The following CDH13 variants were observed in gnomAD, a reference collection of about 807,000 sequenced individuals.
The protein encoded by CDH13 is cadherin 13.
A neutral mutation model predicts 63.8 loss-of-function variants in CDH13; 24 were observed. That is an observed-to-expected ratio of 0.38 (90% confidence interval 0.27 to 0.53). CDH13 has a LOEUF of 0.53. Ranked by LOEUF, CDH13 falls within the 20% of genes least tolerant of loss-of-function variation. CDH13 has a pLI of 0.85. For synonymous variants in CDH13, 503 were observed against 355.3 expected, an observed-to-expected ratio of 1.42 and a Z score of -4.67; for missense variants, 1,049 against 903.1, an observed-to-expected ratio of 1.16 and a Z score of -2.07.
At chr16:83,586,127 G>C (rs1445480055) in intron 7 of CDH13, among the ~76,000 whole-genome samples, 1 of 151,786 alleles carries the variant, frequency 6.6e-6, no homozygotes. Flanking sequence ...TATAATGACA[G>C]CGTGTCTGAG....
At chr16:83,366,593 G>A (rs1160154418) in intron 6 of CDH13, among the ~76,000 whole-genome samples, 1 of 152,200 alleles carries the variant, frequency 6.6e-6, no homozygotes, top group East Asian at 1.9e-4. Context: ...CATCATTAAG[G>A]AAGTCACAGT....
chr16:82,682,779 G>C (rs867879900), intron 1 of CDH13, among the ~76,000 whole-genome samples: 26 of 152,316 alleles, frequency 1.7e-4, no homozygotes, highest in Non-Finnish European at 2.1e-4. Flanking sequence ...ATATTGGAAA[G>C]ATCTTCTGAG....
chr16:83,357,386 G>A (rs1392933373), intron 6 of CDH13, among the ~76,000 whole-genome samples: 4 of 152,128 alleles, frequency 2.6e-5, no homozygotes, highest in African/African-American at 9.7e-5. Flanking sequence ...ATCAGCTTCG[G>A]TCTGTGATGC....
At chr16:83,538,358 C>T (rs908872354) in intron 7 of CDH13, among the ~76,000 whole-genome samples, 22 of 152,192 alleles carry the variant, frequency 1.4e-4, no homozygotes, top group African/African-American at 5.1e-4. Context: ...TACTCATCTC[C>T]GTAGATGATC....
At position 83,312,108 on chromosome 16, in the gene CDH13, C is replaced by G. The variant is rs537384010; in HGVS notation, c.637-32754C>G. On this transcript the variant is annotated intron_variant, in intron 5 of 13. Coordinates refer to ENST00000567109, the MANE Select transcript of CDH13 (RefSeq NM_001257.5). ...AAAAGAATCTTGGGAGACAGTGTGC[C>G]TCCACTTTTTTGTCTATTGGTTGTA... 4.1e-3 allele frequency among the ~76,000 whole-genome samples: 625 copies of G among 151,524 alleles called. 4 individuals are homozygous for G. The highest frequency in any genetic ancestry group is 0.014 in the African/African-American group (584 of 41,320).
Position 82,885,257 on chromosome 16 carries a change from C to A in CDH13, c.157+26784C>A, listed in dbSNP as rs61706900. ...CTATAGTCTGGTTACAAAAACAAAA[C>A]ATTTTAGAAAATTTGGTCATTCTCC... is the stretch of plus-strand genomic sequence containing the variant. On this transcript the variant is annotated intron_variant, in intron 2 of 13. Transcript: ENST00000567109. Among the ~76,000 whole-genome samples the A allele has an allele frequency of 6.5e-3, 984 of 152,136 alleles. 26 individuals are homozygous for A. Among genetic ancestry groups the A allele is most frequent in the East Asian group, 0.053 (274 of 5,180 alleles).
chr16:83,416,121 G>A (rs912389549), intron 6 of CDH13, among the ~76,000 whole-genome samples: 1 of 152,112 alleles, frequency 6.6e-6, no homozygotes, highest in African/African-American at 2.4e-5. Flanking sequence ...GATCTAAAAA[G>A]GAAATCAAGA....
At chr16:82,762,968 T>G (rs2034910016) in intron 1 of CDH13, among the ~76,000 whole-genome samples, 1 of 152,222 alleles carries the variant, frequency 6.6e-6, no homozygotes, top group African/African-American at 2.4e-5. Flanking sequence ...TGAACTGCTC[T>G]AAGATTGCAA....
rs528654816 is a variant in CDH13 at position 83,751,182 on chromosome 16, G to C, written c.1681+2932G>C. Among the ~76,000 whole-genome samples, 7 of 152,282 alleles carry C rather than the reference G, an allele frequency of 4.6e-5. No individual in the cohort carries two copies. In the East Asian group the frequency reaches 1.4e-3, roughly 29 times the overall value. On this transcript the variant is annotated intron_variant, in intron 11 of 13. Coordinates refer to ENST00000567109, the MANE Select transcript of CDH13 (RefSeq NM_001257.5). ...CACCTACCATGGTGCCTGACTTAGA[G>C]CAGGCACTCACATGCCTGTAGAATA... is the stretch of plus-strand genomic sequence containing the variant.
At chr16:83,439,571 G>A (rs1439766892) in intron 6 of CDH13, among the ~76,000 whole-genome samples, 1 of 152,234 alleles carries the variant, frequency 6.6e-6, no homozygotes, top group Admixed American at 6.5e-5. Context: ...AGCCTAGGGT[G>A]AGGCTACAGC....
chr16:83,244,361 C>G (rs1021220431), intron 5 of CDH13, among the ~76,000 whole-genome samples: 1 of 152,060 alleles, frequency 6.6e-6, no homozygotes, highest in African/African-American at 2.4e-5. Flanking sequence ...ATGGAAGATA[C>G]TCAAGGGTAT....
chr16:83,241,314 C>T lies in CDH13; in HGVS notation c.636+23817C>T, dbSNP rs900267574. Among the ~76,000 whole-genome samples the T allele has an allele frequency of 3.3e-5, 5 of 152,324 alleles. No homozygotes were observed. The East Asian group carries it at 7.7e-4, about 23-fold the overall frequency. On this transcript the variant is annotated intron_variant, in intron 5 of 13. Transcript: ENST00000567109. ...TCACTGGGTATGCAAGTATCTCTTT[C>T]AGATCCTTCTTCAAATTCTTTCAGA...
At chr16:82,984,341 T>G (rs1910669079) in intron 2 of CDH13, among the ~76,000 whole-genome samples, 1 of 152,200 alleles carries the variant, frequency 6.6e-6, no homozygotes, top group African/African-American at 2.4e-5. Context: ...CTATCAGAAG[T>G]TGAATTGCTT....
chr16:83,574,922 A>G (rs1904968667), intron 7 of CDH13, among the ~76,000 whole-genome samples: 1 of 152,226 alleles, frequency 6.6e-6, no homozygotes, highest in Non-Finnish European at 1.5e-5. Flanking sequence ...GAAAACACAC[A>G]TCCACAGAGA....
At chr16:82,717,350 C>T (rs935271072) in intron 1 of CDH13, among the ~76,000 whole-genome samples, 8 of 150,222 alleles carry the variant, frequency 5.3e-5, no homozygotes, top group Non-Finnish European at 1.0e-4. Flanking sequence ...GCAGGAGAAT[C>T]GCTTGAAACC....
intron 6 of CDH13, among the ~76,000 whole-genome samples, chr16:83,453,597 G>A (rs559357482): frequency 6.6e-6 from 1 of 152,100 alleles, no homozygotes; most frequent in African/African-American, 2.4e-5. Flanking sequence ...CGGAGTCAGG[G>A]CTGGGGAATT....
At chr16:82,735,324 A>G (rs1418413776) in intron 1 of CDH13, among the ~76,000 whole-genome samples, 3 of 152,212 alleles carry the variant, frequency 2.0e-5, no homozygotes, top group Non-Finnish European at 4.4e-5. Context: ...AGTGACAGGA[A>G]TAGAAGCTGT....
intron 6 of CDH13, among the ~76,000 whole-genome samples, chr16:83,484,604 A>G (rs923489480): frequency 6.6e-6 from 1 of 152,352 alleles, no homozygotes; most frequent in South Asian, 2.1e-4. Flanking sequence ...AAAAATAAAC[A>G]AAATGTTATA....
At chr16:83,260,485 G>A (rs985065902) in intron 5 of CDH13, among the ~76,000 whole-genome samples, 4 of 152,156 alleles carry the variant, frequency 2.6e-5, no homozygotes, top group Admixed American at 2.6e-4. Flanking sequence ...GAGTCTGTGG[G>A]AACCAGGACA....
Sources: gnomAD v4.1 joint callset for allele counts (sites outside exome capture counted in the v4.1 genomes callset) on GRCh38, gnomAD v4.1.1 for gene constraint, MANE v1.5 for transcripts, NCBI Gene and HGNC (gene_info 2026-07-23, HGNC 2026-07-21) for gene names.